The following KIR3DL1 variants were observed in gnomAD, a reference collection of about 807,000 sequenced individuals.
KIR3DL1 encodes killer cell immunoglobulin-like receptor 3DL1.
KIR3DL1 carries 50 observed loss-of-function variants against 40.3 expected under a neutral mutation model. The ratio of observed to expected loss-of-function variants is 1.24; its 90% CI spans 0.99 to 1.57. KIR3DL1 has a LOEUF of 1.57. KIR3DL1 is among the 40% of genes most tolerant of loss of function. The pLI, the probability that KIR3DL1 is intolerant of heterozygous loss-of-function variation, is 0.00. For missense variants in KIR3DL1, 661 were observed against 559.9 expected (o/e 1.18, Z -1.82); for synonymous variants, 257 against 207.2 (o/e 1.24, Z -2.07).
rs1391686796 is a variant in KIR3DL1, at chr19:54,817,509, G to A, written c.35-25G>A. The stretch of plus-strand genomic sequence containing the variant: ...TGCCCTGGTTTGCCTGCAGAGGGAT[G>A]GTCCATCATGATCTTTCTTTCTAGG... On this transcript the variant is annotated intron_variant, in intron 1 of 8. Transcript: ENST00000391728. The A allele has an allele frequency of 4.0e-6, 6 of 1,488,640 alleles. No individual in the cohort carries two copies. In the South Asian group the frequency reaches 5.7e-5, roughly 14 times the overall value. 92.2% of individuals were successfully genotyped at this position (1,488,640 alleles called of 1,614,324 possible). A position where few individuals can be genotyped will look rare whatever the true frequency, so the allele number is the denominator to read the frequency against.
At chr19:54,821,581 T>C in exon 5 of KIR3DL1, 4 of 1,606,582 alleles carry the variant, frequency 2.5e-6, no homozygotes, top group Non-Finnish European at 3.4e-6. Flanking sequence ...ATGAGAAACC[T>C]TCTCTCTCAG....
exon 5 of KIR3DL1, chr19:54,821,821 G>C: frequency 2.5e-6 from 4 of 1,603,404 alleles, no homozygotes; most frequent in South Asian, 1.1e-5. Context: ...CCTACGAGTG[G>C]TCAGACCCGA....
intron 4 of KIR3DL1, among the ~76,000 whole-genome samples, chr19:54,821,150 CAATT>C (rs537276372): frequency 6.7e-5 from 10 of 149,304 alleles, no homozygotes; most frequent in Middle Eastern, 3.4e-3. Context: ...GACAGACAGA[CAATT>C]GATAGAGAGA....
chr19:54,826,343 C>T (rs2061887833), intron 6 of KIR3DL1, among the ~76,000 whole-genome samples: 1 of 149,694 alleles, frequency 6.7e-6, no homozygotes, highest in Non-Finnish European at 1.5e-5. Context: ...GAGACAGAGT[C>T]TCCCTCTGTC....
intron 6 of KIR3DL1, among the ~76,000 whole-genome samples, chr19:54,826,037 T>A (rs918450575): frequency 6.6e-6 from 1 of 151,282 alleles, no homozygotes; most frequent in Non-Finnish European, 1.5e-5. Context: ...TGTTTTAAGT[T>A]CAGCTGACTA....
chr19:54,817,530 C>T lies in KIR3DL1; in HGVS notation c.35-4C>T. 1.3e-6 allele frequency: 2 copies of T among 1,509,954 alleles called. No homozygotes were observed. Among genetic ancestry groups the T allele is most frequent in the South Asian group, 2.3e-5 (2 of 87,450 alleles). 93.5% of individuals were successfully genotyped at this position (1,509,954 alleles called of 1,614,324 possible). On this transcript the variant is annotated splice_region_variant and splice_polypyrimidine_tract_variant and intron_variant, in intron 1 of 8. Transcript: ENST00000391728. ...GGATGGTCCATCATGATCTTTCTTT[C>T]TAGGGTTGTTCTTGGTCCAGAGGGC...
intron 5 of KIR3DL1, among the ~76,000 whole-genome samples, chr19:54,824,601 AG>A (rs1445302715): frequency 6.6e-6 from 1 of 151,392 alleles, no homozygotes; most frequent in Non-Finnish European, 1.5e-5. Context: ...GCTTGAATCC[AG>A]GAAGTGGAGG....
intron 2 of KIR3DL1, 51 bp from the exon 3 acceptor site, chr19:54,818,263 GA>G: frequency 1.3e-5 from 21 of 1,558,646 alleles, no homozygotes; most frequent in Non-Finnish European, 1.8e-5. Flanking sequence ...CACTGGGAGT[GA>G]GGGGCGGCTC....
intron 5 of KIR3DL1, among the ~76,000 whole-genome samples, chr19:54,823,066 C>A (rs1354644587): frequency 2.0e-5 from 3 of 150,138 alleles, no homozygotes; most frequent in African/African-American, 7.4e-5. Context: ...AAGAGTTTCC[C>A]TCCTTAGTCC....
intron 5 of KIR3DL1, 132 bp downstream of exon 5, chr19:54,821,990 G>C: frequency 2.7e-6 from 3 of 1,124,960 alleles, no homozygotes; most frequent in African/African-American, 1.6e-5. Context: ...CGGAGTCAGG[G>C]CGCAGGATGG....
Position 54,829,688 on chromosome 19 carries a change from C to G in KIR3DL1, c.1105+223C>G, listed in dbSNP as rs373771964. Among the ~76,000 whole-genome samples the G allele has an allele frequency of 4.2e-4, 59 of 140,848 alleles. 1 individual carries two copies. Among genetic ancestry groups the G allele is most frequent in the Non-Finnish European group, 1.4e-4 (9 of 63,656 alleles). 92.4% of individuals were successfully genotyped at this position (140,848 alleles called of 152,430 possible). ...TATCCTCATGTCCCCTGCAGCCACT[C>G]ACATCCAGGAGAAGGTTCCATGACA... is the stretch of plus-strand genomic sequence containing the variant. On this transcript the variant is annotated intron_variant, in intron 7 of 8. Transcript: ENST00000391728.
In KIR3DL1 at chr19:54,816,539, G is replaced by A. The variant is rs749488718; in HGVS notation, c.34+5G>A. On this transcript the variant is annotated splice_donor_5th_base_variant and intron_variant, in intron 1 of 8. Coordinates refer to ENST00000391728, the Ensembl canonical transcript of KIR3DL1. ...TCGTCAGCATGGCGTGTGTTGGTGAGTCCTGGAAGGGAATCGAGGGAGGGA... is the reference window on the plus strand; with the variant it reads ...TCGTCAGCATGGCGTGTGTTGGTGAATCCTGGAAGGGAATCGAGGGAGGGA... 3 of 1,608,634 alleles carry A rather than the reference G, an allele frequency of 1.9e-6. No individual in the cohort carries two copies. The highest frequency in any genetic ancestry group is 1.1e-5 in the South Asian group (1 of 90,730).
At chr19:54,826,953 G>T (rs1322152685) in intron 6 of KIR3DL1, among the ~76,000 whole-genome samples, 1 of 150,910 alleles carries the variant, frequency 6.6e-6, no homozygotes, top group Non-Finnish European at 1.5e-5. Context: ...GATTCACCTC[G>T]GGGTAGCCAG....
At chr19:54,830,500 C>G in exon 9 of KIR3DL1, 1 of 588,410 alleles carries the variant, frequency 1.7e-6, no homozygotes, top group Non-Finnish European at 2.9e-6. Context: ...GCTTAGCCCA[C>G]AGTTCTCCAT....
chr19:54,819,805 T>C (rs1363612133), exon 4 of KIR3DL1: 5 of 1,611,858 alleles, frequency 3.1e-6, no homozygotes, highest in East Asian at 2.2e-5. Flanking sequence ...AGATATCATG[T>C]TTGAGCACTT....
rs181475204 is a variant in KIR3DL1, at chr19:54,829,917, G to C, written c.1106-11G>C. On this transcript the variant is annotated splice_polypyrimidine_tract_variant and intron_variant, in intron 7 of 8. Coordinates refer to ENST00000391728, the Ensembl canonical transcript of KIR3DL1. The stretch of plus-strand genomic sequence containing the variant: ...CCTCCGAGCTCTTTTGTTGACTTCC[G>C]TCTCCTACAGATGCTGCTGTAATGG... The C allele has an allele frequency of 6.7e-7, 1 of 1,499,716 alleles. No individual in the cohort carries two copies. The highest frequency in any genetic ancestry group is 9.0e-7 in the Non-Finnish European group (1 of 1,111,804). 92.9% of individuals were successfully genotyped at this position (1,499,716 alleles called of 1,614,324 possible).
intron 2 of KIR3DL1, 86 bp from the exon 3 acceptor site, chr19:54,818,229 T>C (rs1203652501): frequency 6.9e-6 from 10 of 1,458,838 alleles, no homozygotes; most frequent in Non-Finnish European, 9.3e-6. Flanking sequence ...CCTTAGAAAG[T>C]GGAAATGGGG....
chr19:54,820,676 G>A (rs1261953488), intron 4 of KIR3DL1, among the ~76,000 whole-genome samples: 86 of 151,102 alleles, frequency 5.7e-4, no homozygotes, highest in African/African-American at 1.9e-3. Context: ...CACAAAATGA[G>A]CCAGAAGAAG....
At chr19:54,818,177 T>A (rs2061443947) in intron 2 of KIR3DL1, 138 bp from the exon 3 acceptor site, 2 of 778,794 alleles carry the variant, frequency 2.6e-6, no homozygotes, top group Admixed American at 5.6e-5. Flanking sequence ...CTATGCAGGA[T>A]GGGTCCTTCC....
Sources: gnomAD v4.1 joint callset for allele counts (sites outside exome capture counted in the v4.1 genomes callset) on GRCh38, gnomAD v4.1.1 for gene constraint, MANE v1.5 for transcripts, NCBI Gene and HGNC (gene_info 2026-07-23, HGNC 2026-07-21) for gene names.